The following CDKAL1 variants were observed in gnomAD, a reference collection of about 807,000 sequenced individuals.
CDKAL1 encodes threonylcarbamoyladenosine tRNA methylthiotransferase.
Under a neutral mutation model 68.2 loss-of-function variants are expected in CDKAL1, and 32 were observed. That is an observed-to-expected ratio of 0.47 (90% CI 0.35 to 0.63). The LOEUF (loss-of-function observed/expected upper bound fraction) is 0.63, where lower values mean the gene tolerates loss of function less well. CDKAL1 is among the 30% of genes least tolerant of loss of function. The probability of loss-of-function intolerance (pLI) is 0.00; values close to 1 mark genes in which losing one functional copy is unlikely to be tolerated. For missense variants in CDKAL1, 606 were observed against 696.7 expected, an observed-to-expected ratio of 0.87 and a Z score of 1.47; for synonymous variants, 234 against 244.3, an observed-to-expected ratio of 0.96 and a Z score of 0.39.
At chr6:20,985,950 CTA>C (rs1234660328) in intron 10 of CDKAL1, among the ~76,000 whole-genome samples, 1 of 151,738 alleles carries the variant, frequency 6.6e-6, no homozygotes, top group African/African-American at 2.4e-5. Flanking sequence ...CTTTTTGTAT[CTA>C]TTTATTTTTT....
At chr6:21,083,018 C>A (rs1772492585) in intron 12 of CDKAL1, among the ~76,000 whole-genome samples, 1 of 151,748 alleles carries the variant, frequency 6.6e-6, no homozygotes, top group Admixed American at 6.6e-5. Context: ...GGACTACAGG[C>A]ATGCACCACC....
chr6:20,738,626 G>T (rs1201251157), intron 5 of CDKAL1, among the ~76,000 whole-genome samples: 1 of 151,752 alleles, frequency 6.6e-6, no homozygotes, highest in African/African-American at 2.4e-5. Context: ...AGCCTCCAGA[G>T]TAGCTAGGAC....
intron 13 of CDKAL1, among the ~76,000 whole-genome samples, chr6:21,147,395 A>G (rs1236925255): frequency 6.6e-6 from 1 of 152,212 alleles, no homozygotes; most frequent in Non-Finnish European, 1.5e-5. Context: ...GGCAAATAGA[A>G]TATGATGGGG....
chr6:21,037,633 T>G (rs1028365257), intron 11 of CDKAL1, among the ~76,000 whole-genome samples: 1 of 152,116 alleles, frequency 6.6e-6, no homozygotes, highest in Non-Finnish European at 1.5e-5. Context: ...ATGTGGCTAG[T>G]GCAATTGAGG....
At chr6:20,807,721 T>C (rs1776634659) in intron 8 of CDKAL1, among the ~76,000 whole-genome samples, 1 of 152,210 alleles carries the variant, frequency 6.6e-6, no homozygotes, top group African/African-American at 2.4e-5. Flanking sequence ...CGAATATTCA[T>C]GTCATATGTA....
chr6:21,077,249 T>G (rs554333192), intron 12 of CDKAL1, among the ~76,000 whole-genome samples: 2 of 152,324 alleles, frequency 1.3e-5, no homozygotes, highest in East Asian at 3.9e-4. Context: ...TGACTTTTTG[T>G]TTGTACAATT....
intron 4 of CDKAL1, among the ~76,000 whole-genome samples, chr6:20,576,262 C>T (rs1764903261): frequency 6.6e-6 from 1 of 152,202 alleles, no homozygotes; most frequent in Non-Finnish European, 1.5e-5. Context: ...GGCCCCAGCA[C>T]ATGTCTCTGT....
chr6:20,622,121 C>G (rs9295472), intron 4 of CDKAL1, among the ~76,000 whole-genome samples: 28,811 of 151,928 alleles, frequency 0.19, 2,849 homozygotes, highest in East Asian at 0.37. Flanking sequence ...TTTAAGAACA[C>G]TTTTTAAGTT....
chr6:21,061,796 G>C (rs1426599551), intron 11 of CDKAL1, among the ~76,000 whole-genome samples: 1 of 152,066 alleles, frequency 6.6e-6, no homozygotes, highest in Non-Finnish European at 1.5e-5. Flanking sequence ...GTATAGATCC[G>C]CCTCATCTCA....
chr6:20,824,134 G>A (rs1777403080), intron 8 of CDKAL1, among the ~76,000 whole-genome samples: 1 of 152,104 alleles, frequency 6.6e-6, no homozygotes. Context: ...TGCTACCGCT[G>A]CTTCTACTCT....
chr6:20,999,389 A>G (rs1767299024), intron 10 of CDKAL1, among the ~76,000 whole-genome samples: 1 of 152,076 alleles, frequency 6.6e-6, no homozygotes, highest in African/African-American at 2.4e-5. Flanking sequence ...TGGTGACATT[A>G]CAGAACTTCA....
At position 21,106,314 on chromosome 6, in the gene CDKAL1, G is replaced by A. The variant is rs141153715; in HGVS notation, c.1237-2087G>A. ...CAAGGAAGTTTTGCGAGGACAAACT[G>A]TGTAGTGGAAAAAGTAAATTTCCGA... is the stretch of plus-strand genomic sequence containing the variant. On this transcript the variant is annotated intron_variant, in intron 12 of 15. Transcript: ENST00000274695. 5.8e-3 allele frequency among the ~76,000 whole-genome samples: 888 copies of A among 152,336 alleles called. 9 individuals are homozygous for A. The highest frequency in any genetic ancestry group is 0.02 in the African/African-American group (842 of 41,582).
chr6:20,809,788 AGATT>A (rs1776719838), intron 8 of CDKAL1, among the ~76,000 whole-genome samples: 1 of 152,180 alleles, frequency 6.6e-6, no homozygotes. Flanking sequence ...AGAAAATCAG[AGATT>A]GATTGGTGTA....
chr6:21,123,651 C>T (rs1774840335), intron 13 of CDKAL1, among the ~76,000 whole-genome samples: 1 of 152,210 alleles, frequency 6.6e-6, no homozygotes, highest in Non-Finnish European at 1.5e-5. Flanking sequence ...CATTCTTGTT[C>T]TTGCATAAGC....
At chr6:20,874,482 A>G (rs1760392856) in intron 9 of CDKAL1, among the ~76,000 whole-genome samples, 1 of 150,650 alleles carries the variant, frequency 6.6e-6, no homozygotes, top group East Asian at 2.0e-4. Context: ...TTTTTTTTGT[A>G]TTTTTATTTT....
At chr6:21,151,179 A>T (rs1776396071) in intron 13 of CDKAL1, among the ~76,000 whole-genome samples, 5 of 152,352 alleles carry the variant, frequency 3.3e-5, no homozygotes, top group Admixed American at 2.0e-4. Flanking sequence ...GAAATGTGAC[A>T]TTTAGAACAA....
At chr6:21,084,246 A>G (rs912620357) in intron 12 of CDKAL1, among the ~76,000 whole-genome samples, 1 of 152,148 alleles carries the variant, frequency 6.6e-6, no homozygotes, top group Non-Finnish European at 1.5e-5. Flanking sequence ...GGTTATTTCT[A>G]ATAGTTTTAA....
At chr6:20,761,729 G>A (rs1467275913) in intron 7 of CDKAL1, among the ~76,000 whole-genome samples, 1 of 152,182 alleles carries the variant, frequency 6.6e-6, no homozygotes, top group Non-Finnish European at 1.5e-5. Context: ...AAATACGGAA[G>A]GAGTAAACGG....
chr6:20,929,960 T>A (rs1195762198), intron 9 of CDKAL1, among the ~76,000 whole-genome samples: 1 of 152,252 alleles, frequency 6.6e-6, no homozygotes, highest in Non-Finnish European at 1.5e-5. Context: ...AACTGTGTTT[T>A]CTTTTTTCCT....
Sources: allele counts gnomAD v4.1 joint callset (sites outside exome capture counted in the v4.1 genomes callset), GRCh38; gene constraint gnomAD v4.1.1; transcripts MANE v1.5; gene names NCBI Gene and HGNC (gene_info 2026-07-23, HGNC 2026-07-21).